The following SLC2A14 variants were observed in gnomAD, a reference collection of about 807,000 sequenced individuals.
The protein encoded by SLC2A14 is solute carrier family 2 member 14.
SLC2A14 carries 13 observed loss-of-function variants against 43.0 expected under a neutral mutation model. The observed-to-expected ratio is 0.30, with a 90% confidence interval of 0.20 to 0.48. The LOEUF is 0.48. SLC2A14 is among the 20% of genes least tolerant of loss of function. The pLI is 0.99. For synonymous variants in SLC2A14, 190 were observed against 233.8 expected, an observed-to-expected ratio of 0.81 and a Z score of 1.71; for missense variants, 428 against 620.4, an observed-to-expected ratio of 0.69 and a Z score of 3.29.
At chr12:7,817,739 A>AAAATACAGATAG in intron 10 of SLC2A14, 92 bp downstream of exon 10, 2 of 776,748 alleles carry the variant, frequency 2.6e-6, no homozygotes, top group East Asian at 3.1e-5. Flanking sequence ...CAGTCTCAAA[A>AAAATACAGATAG]ATATATATAT....
chr12:7,882,733 A>G (rs1404933598), intron 1 of SLC2A14, among the ~76,000 whole-genome samples: 1 of 151,996 alleles, frequency 6.6e-6, no homozygotes, highest in Non-Finnish European at 1.5e-5. Flanking sequence ...GCTACGTGGG[A>G]AGCTGAGGCT....
At chr12:7,865,323 G>T (rs1944847382) in intron 2 of SLC2A14, among the ~76,000 whole-genome samples, 1 of 152,058 alleles carries the variant, frequency 6.6e-6, no homozygotes, top group South Asian at 2.1e-4. Context: ...GGATCACGAG[G>T]TCAGGAGATC....
chr12:7,850,509 C>T (rs1866839820), intron 2 of SLC2A14, among the ~76,000 whole-genome samples: 1 of 152,102 alleles, frequency 6.6e-6, no homozygotes, highest in Non-Finnish European at 1.5e-5. Context: ...CATTCTCCTG[C>T]CTCAGCCTCC....
upstream of SLC2A14, among the ~76,000 whole-genome samples, chr12:7,874,825 AATTATATATAAATACGTATTTATATAT>A (rs1334000479): frequency 0.17 from 21,437 of 123,284 alleles, 2,901 homozygotes; most frequent in East Asian, 0.34. Flanking sequence ...TTTATATATA[AATTATATATAAATACGTATTTATATAT>A]AAATTATATA....
chr12:7,816,703 G>A (rs1020295944), intron 10 of SLC2A14, among the ~76,000 whole-genome samples: 4 of 151,462 alleles, frequency 2.6e-5, no homozygotes, highest in African/African-American at 7.3e-5. Flanking sequence ...GTCTCTATTC[G>A]TAAATTGTTT....
intron 2 of SLC2A14, among the ~76,000 whole-genome samples, chr12:7,857,544 C>T (rs990641017): frequency 1.1e-4 from 17 of 151,940 alleles, no homozygotes; most frequent in South Asian, 4.2e-4. Flanking sequence ...GCCAAGATCG[C>T]GCCATTGCAC....
At chr12:7,866,944 GTT>G (rs1321770731) in intron 2 of SLC2A14, among the ~76,000 whole-genome samples, 6 of 143,174 alleles carry the variant, frequency 4.2e-5, no homozygotes, top group Admixed American at 7.0e-5. Context: ...GACTTTCATG[GTT>G]TTTTTTTTTT....
chr12:7,834,926 T>G (rs1865321855), intron 2 of SLC2A14, among the ~76,000 whole-genome samples: 1 of 152,018 alleles, frequency 6.6e-6, no homozygotes, highest in Non-Finnish European at 1.5e-5. Flanking sequence ...AGAGACTGGT[T>G]GGTTGAGCTG....
upstream of SLC2A14, chr12:7,891,167 G>A (rs1592341528): frequency 1.3e-6 from 2 of 1,523,138 alleles, no homozygotes; most frequent in Non-Finnish European, 1.8e-6. Flanking sequence ...AAAGCCAGCT[G>A]CTCCCAGTGC....
chr12:7,824,714 CAG>C (rs1457858032), intron 7 of SLC2A14, among the ~76,000 whole-genome samples: 2 of 120,070 alleles, frequency 1.7e-5, no homozygotes, highest in African/African-American at 6.6e-5. Flanking sequence ...GCCGGGGTGA[CAG>C]AGACTCTGTC....
At chr12:7,848,641 C>T (rs1477285163) in intron 2 of SLC2A14, among the ~76,000 whole-genome samples, 1 of 151,792 alleles carries the variant, frequency 6.6e-6, no homozygotes, top group Non-Finnish European at 1.5e-5. Context: ...CCGCAACCTC[C>T]ACCTCCTGCG....
At chr12:7,847,595 C>G (rs776926992) in intron 2 of SLC2A14, among the ~76,000 whole-genome samples, 1 of 152,226 alleles carries the variant, frequency 6.6e-6, no homozygotes, top group East Asian at 1.9e-4. Flanking sequence ...TGGTATCAGT[C>G]TTCATAGTTT....
intron 1 of SLC2A14, chr12:7,871,127 G>T: frequency 7.5e-7 from 1 of 1,333,760 alleles, no homozygotes; most frequent in South Asian, 1.3e-5. Context: ...ACCATGTTTG[G>T]GGAGAAGCTG....
chr12:7,879,803 A>G (rs1204186434), intron 1 of SLC2A14, among the ~76,000 whole-genome samples: 2 of 152,116 alleles, frequency 1.3e-5, no homozygotes, highest in African/African-American at 2.4e-5. Flanking sequence ...CCAAGAGTTC[A>G]AGACCAGCCT....
At chr12:7,840,820 G>C (rs1865888726) in intron 2 of SLC2A14, among the ~76,000 whole-genome samples, 1 of 151,908 alleles carries the variant, frequency 6.6e-6, no homozygotes, top group East Asian at 1.9e-4. Context: ...GAGCACAAAA[G>C]AAAAAAAGGA....
chr12:7,823,644 C>T (rs1040957602), intron 7 of SLC2A14, among the ~76,000 whole-genome samples: 8 of 151,538 alleles, frequency 5.3e-5, no homozygotes, highest in African/African-American at 9.7e-5. Flanking sequence ...CAATTGAACC[C>T]GGGAGGTGGA....
intron 2 of SLC2A14, among the ~76,000 whole-genome samples, chr12:7,846,417 A>C (rs908551204): frequency 2.6e-5 from 4 of 152,032 alleles, no homozygotes; most frequent in Non-Finnish European, 5.9e-5. Flanking sequence ...AAAAAAAAAA[A>C]ACTTTATCCT....
At chr12:7,889,736 A>G (rs1232949653) in intron 1 of SLC2A14, among the ~76,000 whole-genome samples, 1 of 150,590 alleles carries the variant, frequency 6.6e-6, no homozygotes, top group Non-Finnish European at 1.5e-5. Flanking sequence ...GGGTTCCATT[A>G]TATTGGTCAG....
rs749060812 is a variant in SLC2A14 at position 7,826,858 on chromosome 12, CTTTT to C, written c.864+633_864+636del. ...CTTTCCTTCCTTCCTTCCTTCCTTTCTTTTTTCTTTCTTTCTTTCTTTCTTTCTT... is the reference window on the plus strand; with the variant it reads ...CTTTCCTTCCTTCCTTCCTTCCTTTCTTCTTTCTTTCTTTCTTTCTTTCTT... On this transcript the variant is annotated intron_variant, in intron 7 of 10. Transcript: ENST00000431042. Among the ~76,000 whole-genome samples the C allele has an allele frequency of 3.0e-3, 128 of 43,130 alleles. 1 individual carries two copies. The highest frequency in any genetic ancestry group is 9.6e-3 in the Middle Eastern group (1 of 104). The allele number at this position is 43,130 out of a possible 152,430, so 28.3% of individuals were successfully genotyped here. A position where few individuals can be genotyped will look rare whatever the true frequency, so the allele number is the denominator to read the frequency against.
Sources: gnomAD v4.1 joint callset for allele counts (sites outside exome capture counted in the v4.1 genomes callset) on GRCh38, gnomAD v4.1.1 for gene constraint, MANE v1.5 for transcripts, NCBI Gene and HGNC (gene_info 2026-07-23, HGNC 2026-07-21) for gene names.